Variants in PDE8A observed in about 807,000 individuals in gnomAD.
PDE8A encodes phosphodiesterase 8A, also known as high affinity cAMP-specific and IBMX-insensitive 3',5'-cyclic phosphodiesterase 8A.
Under a neutral mutation model 105.0 loss-of-function variants are expected in PDE8A, and 59 were observed. The observed-to-expected ratio is 0.56, with a 90% CI of 0.46 to 0.70. The LOEUF is 0.70. PDE8A is among the 30% of genes least tolerant of loss of function. PDE8A has a pLI of 0.00. For synonymous variants in PDE8A, 355 were observed against 371.9 expected (o/e 0.95, Z 0.52); for missense variants, 1,014 against 1,045.9 (o/e 0.97, Z 0.42).
chr15:85,083,282 C>G (rs2081496347), intron 5 of PDE8A, among the ~76,000 whole-genome samples: 1 of 151,312 alleles, frequency 6.6e-6, no homozygotes, highest in African/African-American at 2.4e-5. Context: ...CCAAAATGCT[C>G]TTAACGGAAG....
At chr15:85,111,517 T>C (rs1239501025) in intron 12 of PDE8A, among the ~76,000 whole-genome samples, 1 of 152,218 alleles carries the variant, frequency 6.6e-6, no homozygotes, top group African/African-American at 2.4e-5. Context: ...ACTACGAATA[T>C]GTGATCTGTT....
chr15:85,083,176 G>A (rs1184783652), intron 5 of PDE8A, among the ~76,000 whole-genome samples: 2 of 152,146 alleles, frequency 1.3e-5, no homozygotes, highest in African/African-American at 4.8e-5. Flanking sequence ...TACTGTTGTT[G>A]AATATACTCT....
intron 8 of PDE8A, 21 bp downstream of exon 8, chr15:85,091,202 T>C (rs1363152635): frequency 3.2e-6 from 5 of 1,570,186 alleles, no homozygotes; most frequent in Non-Finnish European, 3.5e-6. Context: ...GGTCAGTGCC[T>C]TTTTTAACTT....
intron 1 of PDE8A, among the ~76,000 whole-genome samples, chr15:85,046,065 C>CTT (rs34486009): frequency 6.4e-5 from 8 of 124,436 alleles, no homozygotes; most frequent in African/African-American, 1.2e-4. Context: ...CTTTCTGTTT[C>CTT]TTTTTTTTTT....
intron 1 of PDE8A, among the ~76,000 whole-genome samples, chr15:85,062,251 ATTGTTTTGTT>A (rs59124541): frequency 2.6e-5 from 4 of 151,762 alleles, no homozygotes; most frequent in Admixed American, 6.6e-5. Flanking sequence ...ATTTGCTGTT[ATTGTTTTGTT>A]TTGTTTTGTT....
intron 1 of PDE8A, among the ~76,000 whole-genome samples, chr15:85,010,884 C>A (rs1468131604): frequency 1.7e-5 from 1 of 58,946 alleles, no homozygotes; most frequent in Non-Finnish European, 3.6e-5. Context: ...TCTGTGTTTC[C>A]CCCAGTCGTG....
intron 1 of PDE8A, among the ~76,000 whole-genome samples, chr15:85,010,713 C>G (rs2080225461): frequency 6.6e-6 from 1 of 152,122 alleles, no homozygotes; most frequent in Non-Finnish European, 1.5e-5. Flanking sequence ...TCACCCATTT[C>G]AACTTTTAAT....
intron 3 of PDE8A, among the ~76,000 whole-genome samples, chr15:85,071,393 T>A (rs770720277): frequency 6.6e-6 from 1 of 152,236 alleles, no homozygotes; most frequent in Non-Finnish European, 1.5e-5. Flanking sequence ...TTCTTTACTT[T>A]CTGCATCTAC....
intron 3 of PDE8A, among the ~76,000 whole-genome samples, chr15:85,069,769 A>T (rs964140106): frequency 6.6e-6 from 1 of 152,136 alleles, no homozygotes; most frequent in African/African-American, 2.4e-5. Flanking sequence ...TTATTTCCTG[A>T]TGGCCACATC....
At chr15:85,017,225 C>G (rs1043891531) in intron 1 of PDE8A, among the ~76,000 whole-genome samples, 1 of 149,950 alleles carries the variant, frequency 6.7e-6, no homozygotes, top group Non-Finnish European at 1.5e-5. Flanking sequence ...TGCGCCACTG[C>G]AGTCCGCAGT....
At chr15:84,993,232 A>G (rs1390533626) in intron 1 of PDE8A, among the ~76,000 whole-genome samples, 2 of 151,312 alleles carry the variant, frequency 1.3e-5, no homozygotes, top group East Asian at 3.9e-4. Context: ...TCACAAGGTC[A>G]GGAGATCAAG....
At chr15:85,080,651 G>A (rs536016707) in intron 5 of PDE8A, among the ~76,000 whole-genome samples, 1 of 152,288 alleles carries the variant, frequency 6.6e-6, no homozygotes, top group African/African-American at 2.4e-5. Flanking sequence ...AAGTCTATCA[G>A]CATAGTTCTG....
intron 5 of PDE8A, 34 bp from the exon 6 acceptor site, chr15:85,083,522 T>C: frequency 1.5e-6 from 2 of 1,322,802 alleles, no homozygotes; most frequent in South Asian, 1.2e-5. Flanking sequence ...GAAGCACTTT[T>C]GTTTATCCAC....
chr15:85,001,424 C>G (rs929762205), intron 1 of PDE8A, among the ~76,000 whole-genome samples: 1 of 152,134 alleles, frequency 6.6e-6, no homozygotes, highest in African/African-American at 2.4e-5. Context: ...TTCCAACTGT[C>G]AAAGTCATGC....
Position 85,017,921 on chromosome 15 carries a change from G to A in PDE8A, c.186+35573G>A, listed in dbSNP as rs908165404. 8.9e-5 allele frequency among the ~76,000 whole-genome samples: 13 copies of A among 146,808 alleles called. 1 individual carries two copies. Among genetic ancestry groups the A allele is most frequent in the African/African-American group, 3.2e-4 (13 of 40,036 alleles). On this transcript the variant is annotated intron_variant, in intron 1 of 21. Coordinates refer to ENST00000394553, the MANE Select transcript of PDE8A (RefSeq NM_002605.3). ...AAAAGCAATAGTGGGAGGAAATTAT[G>A]TGGAGAAAGTTTTTGTGTTTTTTGC...
At chr15:85,105,150 A>G (rs1045827427) in intron 11 of PDE8A, among the ~76,000 whole-genome samples, 2 of 152,002 alleles carry the variant, frequency 1.3e-5, no homozygotes, top group Non-Finnish European at 2.9e-5. Context: ...CAGGCCTCAT[A>G]CTTTGCAGGT....
At chr15:85,133,808 A>G (rs893431865) in intron 20 of PDE8A, among the ~76,000 whole-genome samples, 1 of 152,184 alleles carries the variant, frequency 6.6e-6, no homozygotes, top group Non-Finnish European at 1.5e-5. Context: ...AATAGCATGG[A>G]TACTAAGAGT....
chr15:85,051,876 G>C (rs1042804441), intron 1 of PDE8A, among the ~76,000 whole-genome samples: 1 of 152,070 alleles, frequency 6.6e-6, no homozygotes, highest in Non-Finnish European at 1.5e-5. Context: ...CAATGTGCAG[G>C]TTTGTTACAT....
At chr15:85,089,266 ATAATG>A (rs2081602239) in intron 6 of PDE8A, 67 bp from the exon 7 acceptor site, 4 of 802,444 alleles carry the variant, frequency 5.0e-6, no homozygotes, top group African/African-American at 1.8e-5. Context: ...ATACATTTAA[ATAATG>A]TAATAACCCA....
Sources: gnomAD v4.1 joint callset for allele counts (sites outside exome capture counted in the v4.1 genomes callset) on GRCh38, gnomAD v4.1.1 for gene constraint, MANE v1.5 for transcripts, NCBI Gene and HGNC (gene_info 2026-07-23, HGNC 2026-07-21) for gene names.